TNFRSF19: variants seen among roughly 807,000 people sequenced by gnomAD.
TNFRSF19 encodes tumor necrosis factor receptor superfamily member 19.
A neutral mutation model predicts 46.4 loss-of-function variants in TNFRSF19; 27 were observed. The ratio of observed to expected loss-of-function variants is 0.58; its 90% CI spans 0.43 to 0.80. TNFRSF19 has a LOEUF of 0.80. Ranked by LOEUF, TNFRSF19 falls within the 30% of genes least tolerant of loss-of-function variation. TNFRSF19 has a pLI of 0.00. For missense variants in TNFRSF19, 511 were observed against 530.8 expected (o/e 0.96, Z 0.37); for synonymous variants, 204 against 205.0 (o/e 1.00, Z 0.04).
chr13:23,597,148 G>T (rs954280869), intron 3 of TNFRSF19, among the ~76,000 whole-genome samples: 3 of 152,152 alleles, frequency 2.0e-5, no homozygotes, highest in East Asian at 1.9e-4. Flanking sequence ...AAGTGGAAAA[G>T]ATCTAAAATT....
intron 4 of TNFRSF19, among the ~76,000 whole-genome samples, chr13:23,626,208 T>TGTGTGTGTGTGTGG (rs1246563177): frequency 2.0e-4 from 30 of 151,894 alleles, no homozygotes; most frequent in African/African-American, 7.3e-4. Context: ...TGTGTGTGTG[T>TGTGTGTGTGTGTGG]GTGTGTGTGT....
chr13:23,620,853 G>C (rs953188340), intron 4 of TNFRSF19, among the ~76,000 whole-genome samples: 2 of 152,114 alleles, frequency 1.3e-5, no homozygotes, highest in African/African-American at 4.8e-5. Context: ...TGCTTCTTCT[G>C]GTGACAATGA....
intron 4 of TNFRSF19, among the ~76,000 whole-genome samples, chr13:23,624,048 C>T (rs1881839277): frequency 6.6e-6 from 1 of 152,056 alleles, no homozygotes; most frequent in Admixed American, 6.5e-5. Flanking sequence ...TGAAGCTTTT[C>T]CTCTATATTT....
chr13:23,613,539 TCTC>T (rs1270002010), intron 3 of TNFRSF19, among the ~76,000 whole-genome samples: 4 of 152,186 alleles, frequency 2.6e-5, no homozygotes, highest in South Asian at 2.1e-4. Flanking sequence ...CCCTTGTACT[TCTC>T]CTCCTTCTTC....
Position 23,660,398 on chromosome 13 carries a change from G to C in TNFRSF19, c.644G>C (p.Gly215Ala). ...CGGTCACAGGACATTCAGTACAACG[G>C]CTCTGAGCTGTCGTGTTTTGACAGA... ...SLRSQDIQYNGSELSCFDRPQ... is the reference protein window; with the variant it reads ...SLRSQDIQYNASELSCFDRPQ... Residue 215 changes from glycine to alanine, a missense_variant, in exon 7 of 10, where the codon GGC becomes GCC. Transcript: ENST00000248484. 1 of 1,613,954 alleles carries C rather than the reference G, an allele frequency of 6.2e-7. No homozygotes were observed. Among genetic ancestry groups the C allele is most frequent in the Non-Finnish European group, 8.5e-7 (1 of 1,180,032 alleles).
At chr13:23,673,031 G>A (rs1951781818) in intron 9 of TNFRSF19, among the ~76,000 whole-genome samples, 1 of 152,204 alleles carries the variant, frequency 6.6e-6, no homozygotes, top group South Asian at 2.1e-4. Context: ...AAGGAACACA[G>A]TATAGAAGAA....
chr13:23,664,747 A>C (rs1157725047), intron 7 of TNFRSF19, among the ~76,000 whole-genome samples: 2 of 152,220 alleles, frequency 1.3e-5, no homozygotes, highest in African/African-American at 2.4e-5. Flanking sequence ...TGTAGAGTGC[A>C]CACAAAGCTA....
chr13:23,615,563 G>A (rs1254892089), intron 3 of TNFRSF19, among the ~76,000 whole-genome samples: 1 of 152,194 alleles, frequency 6.6e-6, no homozygotes, highest in Non-Finnish European at 1.5e-5. Flanking sequence ...TTAATTAGAG[G>A]AGAAGAAGTG....
chr13:23,673,667 A>T lies in TNFRSF19; in HGVS notation c.*287A>T, dbSNP rs1034990192. The T allele has an allele frequency of 2.7e-6, 2 of 739,098 alleles. No individual in the cohort carries two copies. Among genetic ancestry groups the T allele is most frequent in the Admixed American group, 9.1e-5 (2 of 21,978 alleles). 45.8% of individuals were successfully genotyped at this position (739,098 alleles called of 1,614,324 possible). ...GCCACAAAAGTGACTTCAAAGACGG[A>T]TGGGTTGAGCTGGCAGCCTATGAGA... On this transcript the variant is annotated 3_prime_UTR_variant, in exon 10 of 10. Transcript: ENST00000248484.
chr13:23,619,561 T>TA (rs898468268), intron 4 of TNFRSF19, among the ~76,000 whole-genome samples: 10 of 147,982 alleles, frequency 6.8e-5, no homozygotes, highest in East Asian at 2.0e-4. Flanking sequence ...ATCTGTGCCT[T>TA]AAAAAAAAAA....
At chr13:23,598,373 T>TG (rs1253809493) in intron 3 of TNFRSF19, among the ~76,000 whole-genome samples, 25 of 152,156 alleles carry the variant, frequency 1.6e-4, no homozygotes, top group African/African-American at 6.0e-4. Flanking sequence ...ATCCCAGAAC[T>TG]TACAGTTATA....
At chr13:23,572,144 T>C (rs556355274) in intron 1 of TNFRSF19, among the ~76,000 whole-genome samples, 3 of 152,294 alleles carry the variant, frequency 2.0e-5, no homozygotes, top group East Asian at 1.9e-4. Context: ...TTTAAAACTT[T>C]GCTAGTTGTT....
intron 4 of TNFRSF19, among the ~76,000 whole-genome samples, chr13:23,619,580 C>G (rs1178830185): frequency 1.3e-5 from 2 of 152,068 alleles, no homozygotes; most frequent in Non-Finnish European, 2.9e-5. Flanking sequence ...AAGGAACGGT[C>G]TATAATCTCA....
intron 1 of TNFRSF19, among the ~76,000 whole-genome samples, chr13:23,587,681 C>T (rs901536003): frequency 6.6e-6 from 1 of 152,136 alleles, no homozygotes; most frequent in Non-Finnish European, 1.5e-5. Context: ...TGCTGAGGAG[C>T]CCTGTTATGG....
rs912350946 is a variant in TNFRSF19, at chr13:23,674,153, C to G, written c.*773C>G. 1 of 152,156 alleles carries G rather than the reference C, an allele frequency of 6.6e-6. No individual in the cohort carries two copies. Among genetic ancestry groups the G allele is most frequent in the Non-Finnish European group, 1.5e-5 (1 of 68,028 alleles). 9.4% of individuals were successfully genotyped at this position (152,156 alleles called of 1,614,324 possible). ...AACACATATTGTAGAGACTTGTATG[C>G]AAAGGTTGGCATATTTATATGAAAA... is the stretch of plus-strand genomic sequence containing the variant. On this transcript the variant is annotated 3_prime_UTR_variant, in exon 10 of 10. Transcript: ENST00000248484.
intron 4 of TNFRSF19, among the ~76,000 whole-genome samples, chr13:23,622,497 A>G (rs1310520192): frequency 6.6e-6 from 1 of 152,198 alleles, no homozygotes; most frequent in African/African-American, 2.4e-5. Context: ...CATTTGTCTC[A>G]TGGTCCTCAA....
intron 1 of TNFRSF19, among the ~76,000 whole-genome samples, chr13:23,586,152 G>A (rs938992679): frequency 1.4e-4 from 20 of 147,964 alleles, no homozygotes; most frequent in Non-Finnish European, 2.5e-4. Context: ...CAGCTACTCC[G>A]GAGGCTGAGG....
intron 5 of TNFRSF19, among the ~76,000 whole-genome samples, chr13:23,638,419 G>T (rs1882831615): frequency 6.6e-6 from 1 of 152,206 alleles, no homozygotes; most frequent in Non-Finnish European, 1.5e-5. Context: ...CAGCCCTGCA[G>T]TTAGGGCCAG....
chr13:23,673,665 G>T lies in TNFRSF19; in HGVS notation c.*285G>T, dbSNP rs9510804. The T allele has an allele frequency of 0.28, 219,074 of 782,392 alleles. 33,243 individuals carry two copies. The highest frequency in any genetic ancestry group is 0.31 in the Non-Finnish European group (181,447 of 587,606). The allele number at this position is 782,392 out of a possible 1,614,324, so 48.5% of individuals were successfully genotyped here. A position where few individuals can be genotyped will look rare whatever the true frequency, so the allele number is the denominator to read the frequency against. ...CTGCCACAAAAGTGACTTCAAAGAC[G>T]GATGGGTTGAGCTGGCAGCCTATGA... On this transcript the variant is annotated 3_prime_UTR_variant, in exon 10 of 10. Coordinates refer to ENST00000248484, the MANE Select transcript of TNFRSF19 (RefSeq NM_148957.4).
Sources: gnomAD v4.1 joint callset for allele counts (sites outside exome capture counted in the v4.1 genomes callset) on GRCh38, gnomAD v4.1.1 for gene constraint, MANE v1.5 for transcripts, NCBI Gene and HGNC (gene_info 2026-07-23, HGNC 2026-07-21) for gene names.